The following ZNF331 variants were observed in gnomAD, a reference collection of about 807,000 sequenced individuals.
ZNF331 encodes the protein zinc finger protein 331, also known as C2H2-like zinc finger protein rearranged in thyroid adenomas.
In ZNF331, 2 loss-of-function variants were observed where a neutral mutation model predicts 7.0. The ratio of observed to expected loss-of-function variants is 0.29; its 90% CI spans 0.12 to 0.90. The LOEUF is 0.90. ZNF331 is among the 40% of genes least tolerant of loss of function. The pLI, the probability that ZNF331 is intolerant of heterozygous loss-of-function variation, is 0.58. For synonymous variants in ZNF331, 196 were observed against 205.4 expected, an observed-to-expected ratio of 0.95 and a Z score of 0.39; for missense variants, 432 against 587.7, an observed-to-expected ratio of 0.74 and a Z score of 2.74.
At chr19:53,537,701 G>C (rs997177406), upstream of ZNF331, 1 of 152,316 alleles carries the variant, frequency 6.6e-6, no homozygotes, top group Non-Finnish European at 1.5e-5. Flanking sequence ...CGACGGCCCC[G>C]CGTCCTCTTC....
In ZNF331 at chr19:53,545,966, C is replaced by T. The variant is rs71363353; in HGVS notation, c.-138+6684C>T. On this transcript the variant is annotated intron_variant, in intron 2 of 5. Transcript: ENST00000449416. ...AAATACACGTTAGTCCCCAAGAACTCTGAAACTCACAAATGCCAGTGTCCT... is the reference window on the plus strand; with the variant it reads ...AAATACACGTTAGTCCCCAAGAACTTTGAAACTCACAAATGCCAGTGTCCT... 1.3e-3 allele frequency among the ~76,000 whole-genome samples: 197 copies of T among 152,094 alleles called. 1 individual carries two copies. The highest frequency in any genetic ancestry group is 1.5e-3 in the Non-Finnish European group (101 of 68,002).
chr19:53,521,331 A>AGTGAGTGTGTGT (rs779905191), exon 1 of ZNF331: 7,584 of 129,082 alleles, frequency 0.059, 184 homozygotes, highest in African/African-American at 0.079. Flanking sequence ...AGTGTGTGTG[A>AGTGAGTGTGTGT]GTGTGTGTGT....
chr19:53,528,461 T>C (rs2087393550), intron 2 of ZNF331, among the ~76,000 whole-genome samples: 1 of 152,240 alleles, frequency 6.6e-6, no homozygotes, highest in Non-Finnish European at 1.5e-5. Context: ...ATGTTTTATG[T>C]AGATTATCTT....
the ZNF331 span, among the ~76,000 whole-genome samples, chr19:53,506,266 C>A: frequency 1.2e-5 from 1 of 86,182 alleles, no homozygotes; most frequent in African/African-American, 5.2e-5. Context: ...ACCCGGGAGG[C>A]GGAGCTTGCA....
At chr19:53,536,235 C>T (rs1261846696), upstream of ZNF331, 1 of 150,800 alleles carries the variant, frequency 6.6e-6, no homozygotes, top group Non-Finnish European at 1.5e-5. Context: ...GTAATAACAG[C>T]TACCTTATCT....
At chr19:53,528,302 A>T (rs1395809990) in intron 2 of ZNF331, among the ~76,000 whole-genome samples, 1 of 152,206 alleles carries the variant, frequency 6.6e-6, no homozygotes. Context: ...AGCATTCATG[A>T]TATTGATAGC....
the ZNF331 span, among the ~76,000 whole-genome samples, chr19:53,506,709 G>C: frequency 6.6e-6 from 1 of 152,112 alleles, no homozygotes; most frequent in Non-Finnish European, 1.5e-5. Flanking sequence ...GCGGAAAGAG[G>C]GTCTTTTGTG....
chr19:53,544,397 T>C (rs556294249), intron 2 of ZNF331, among the ~76,000 whole-genome samples: 1 of 148,004 alleles, frequency 6.8e-6, no homozygotes, highest in Non-Finnish European at 1.5e-5. Context: ...TACAAAAAAT[T>C]AGCCGGGCGA....
chr19:53,556,220 G>A (rs2089411823), intron 3 of ZNF331, among the ~76,000 whole-genome samples: 1 of 144,362 alleles, frequency 6.9e-6, no homozygotes, highest in Non-Finnish European at 1.5e-5. Flanking sequence ...TCCAGCCTGG[G>A]CAACACAGCG....
Position 53,577,776 on chromosome 19 carries a change from A to G in ZNF331, c.1216A>G (p.Thr406Ala), listed in dbSNP as rs763111957. The change falls in exon 6 of 6, where the codon ACC (threonine) becomes GCC (alanine). Residue 406 changes from threonine to alanine, a missense_variant. By Grantham distance (58) the Thr-to-Ala change is moderately conservative (BLOSUM62 0). Around this residue, in one of 3 missense-constraint regions of ZNF331, gnomAD observed 312 missense variants for 448.6 expected, o/e 0.70. Coordinates refer to ENST00000449416, the MANE Select transcript of ZNF331 (RefSeq NM_001079906.2). ...CCTCGTGAAACATGAGAGAATTCAT[A>G]CCGGGGTGAAACCCTATGGGTGTAC... is the stretch of plus-strand genomic sequence containing the variant. ...SSLVKHERIH[T>A]GVKPYGCTEC... 8.7e-6 allele frequency: 14 copies of G among 1,613,850 alleles called. No homozygotes were observed. The highest frequency in any genetic ancestry group is 1.6e-4 in the Middle Eastern group (1 of 6,084).
chr19:53,576,097 G>A (rs1174236887), intron 5 of ZNF331, among the ~76,000 whole-genome samples: 5 of 152,064 alleles, frequency 3.3e-5, no homozygotes, highest in African/African-American at 9.7e-5. Flanking sequence ...CAATTTCCCT[G>A]CCTCAGCCTC....
chr19:53,567,931 A>G (rs2090236685), intron 3 of ZNF331, among the ~76,000 whole-genome samples: 1 of 152,040 alleles, frequency 6.6e-6, no homozygotes, highest in African/African-American at 2.4e-5. Flanking sequence ...TTACAAGGAA[A>G]GGATACAGAT....
At chr19:53,567,490 C>A (rs1253520849) in intron 3 of ZNF331, among the ~76,000 whole-genome samples, 1 of 152,102 alleles carries the variant, frequency 6.6e-6, no homozygotes, top group South Asian at 2.1e-4. Flanking sequence ...GCATAGAAGA[C>A]CACCCTCACT....
intron 5 of ZNF331, among the ~76,000 whole-genome samples, chr19:53,576,381 A>G (rs1277782484): frequency 1.3e-5 from 2 of 152,240 alleles, no homozygotes; most frequent in African/African-American, 4.8e-5. Context: ...TTGTTTTGTT[A>G]CAGTACTTCT....
chr19:53,531,523 C>A (rs927745813), intron 2 of ZNF331, among the ~76,000 whole-genome samples: 2 of 152,086 alleles, frequency 1.3e-5, no homozygotes, highest in African/African-American at 4.8e-5. Context: ...GGAAAAGATT[C>A]GTTTTTAAGT....
the ZNF331 span, among the ~76,000 whole-genome samples, chr19:53,513,651 C>T: frequency 0.31 from 35,905 of 117,420 alleles, 2,979 homozygotes; most frequent in African/African-American, 0.46. Flanking sequence ...TACTTTTTTT[C>T]GTTGTTGTTG....
chr19:53,559,738 T>TAAAC (rs1457813960), intron 3 of ZNF331, among the ~76,000 whole-genome samples: 1 of 57,172 alleles, frequency 1.7e-5, no homozygotes, highest in East Asian at 4.1e-4. Context: ...TATATACACA[T>TAAAC]ATACACCATA....
rs951123782 is a variant in ZNF331 at position 53,579,888 on chromosome 19, G to A, written c.*1936G>A. On this transcript the variant is annotated 3_prime_UTR_variant, in exon 6 of 6. Transcript: ENST00000449416. ...AAGGAACTCTCATAGAAAATATAAA[G>A]AATCCCTCAAGTTGAAAAAAAAATC... The A allele has an allele frequency of 1.5e-4, 30 of 201,580 alleles. No homozygotes were observed. The highest frequency in any genetic ancestry group is 6.9e-4 in the African/African-American group (30 of 43,534). 12.5% of individuals were successfully genotyped at this position (201,580 alleles called of 1,614,324 possible). A position where few individuals can be genotyped will look rare whatever the true frequency, so the allele number is the denominator to read the frequency against.
intron 3 of ZNF331, among the ~76,000 whole-genome samples, chr19:53,557,649 A>G (rs2089520422): frequency 6.6e-6 from 1 of 152,150 alleles, no homozygotes; most frequent in South Asian, 2.1e-4. Flanking sequence ...CTCACACCAC[A>G]ACGATAATCA....
Sources: gnomAD v4.1 joint callset for allele counts (sites outside exome capture counted in the v4.1 genomes callset) on GRCh38, gnomAD v4.1.1 for gene constraint, gnomAD v4.1.1 regional missense constraint, MANE v1.5 for transcripts, NCBI Gene and HGNC (gene_info 2026-07-23, HGNC 2026-07-21) for gene names.